Variants in SPAG6 observed in about 807,000 individuals in gnomAD.
The protein encoded by SPAG6 is sperm-associated antigen 6.
Under a neutral mutation model 58.5 loss-of-function variants are expected in SPAG6, and 49 were observed. The observed-to-expected ratio is 0.84, with a 90% CI of 0.67 to 1.06. The LOEUF is 1.06. Among genes scored for constraint, SPAG6 ranks in the 50% least tolerant of loss-of-function variants. The pLI, the probability that SPAG6 is intolerant of heterozygous loss-of-function variation, is 0.00. For missense variants in SPAG6, 560 were observed against 611.3 expected (o/e 0.92, Z 0.89); for synonymous variants, 233 against 225.6 (o/e 1.03, Z -0.29).
chr10:22,368,390 G>C, intron 3 of SPAG6, 105 bp from the exon 4 acceptor site: 2 of 818,048 alleles, frequency 2.4e-6, no homozygotes, highest in Non-Finnish European at 3.7e-6. Flanking sequence ...AAGCTGTTGA[G>C]CTTTATTTAT....
chr10:22,387,305 T>G (rs1281244292), intron 5 of SPAG6, among the ~76,000 whole-genome samples: 2 of 152,198 alleles, frequency 1.3e-5, no homozygotes, highest in African/African-American at 4.8e-5. Context: ...GCAATATTTA[T>G]CTTAGCCTTT....
At chr10:22,408,731 C>G (rs1393870270) in intron 9 of SPAG6, among the ~76,000 whole-genome samples, 4 of 152,238 alleles carry the variant, frequency 2.6e-5, no homozygotes, top group Non-Finnish European at 5.9e-5. Flanking sequence ...GCCCCTCCCC[C>G]AGCCTCGCTG....
intron 4 of SPAG6, among the ~76,000 whole-genome samples, chr10:22,381,130 C>T (rs1196769446): frequency 6.6e-6 from 1 of 151,970 alleles, no homozygotes; most frequent in African/African-American, 2.4e-5. Flanking sequence ...AGTGGTTCTT[C>T]CTCTGTGACC....
chr10:22,412,352 A>G (rs1834761546), intron 10 of SPAG6: 10 of 636,452 alleles, frequency 1.6e-5, no homozygotes, highest in South Asian at 7.7e-5. Context: ...TTTAATATCA[A>G]TGGTGTTTAA....
At chr10:22,346,102 G>A in intron 2 of SPAG6, 3 of 1,480,504 alleles carry the variant, frequency 2.0e-6, no homozygotes, top group African/African-American at 1.4e-5. Flanking sequence ...CATTTTACGT[G>A]AATGGGACTC....
chr10:22,378,645 CA>C (rs1833879662), intron 4 of SPAG6, among the ~76,000 whole-genome samples: 3 of 152,146 alleles, frequency 2.0e-5, no homozygotes, highest in Admixed American at 1.3e-4. Context: ...AGCTTGGTCT[CA>C]GCTGTTAAAG....
chr10:22,374,111 A>AT lies in SPAG6; in HGVS notation c.472+5441dup, dbSNP rs200679300. On this transcript the variant is annotated intron_variant, in intron 4 of 10. Coordinates refer to ENST00000376624, the MANE Select transcript of SPAG6 (RefSeq NM_012443.4). ...AACTCTTGGCTAATAAAATCTTCTA[A>AT]TTTTTTTTAACTTAGAATCTAGAGC... Among the ~76,000 whole-genome samples, 327 of 151,996 alleles carry AT rather than the reference A, an allele frequency of 2.2e-3. 1 individual carries two copies. Among genetic ancestry groups the AT allele is most frequent in the African/African-American group, 7.4e-3 (306 of 41,474 alleles).
chr10:22,385,224 G>T (rs1834039913), intron 4 of SPAG6, among the ~76,000 whole-genome samples: 1 of 151,966 alleles, frequency 6.6e-6, no homozygotes, highest in African/African-American at 2.4e-5. Context: ...TGGGGGTGTG[G>T]TGGGGGAAGA....
chr10:22,385,665 A>T (rs1369937242), intron 4 of SPAG6, among the ~76,000 whole-genome samples: 1 of 152,214 alleles, frequency 6.6e-6, no homozygotes, highest in Non-Finnish European at 1.5e-5. Flanking sequence ...AATATTGGAC[A>T]CTAACCTGTA....
chr10:22,352,295 A>T (rs2132030952), intron 2 of SPAG6, among the ~76,000 whole-genome samples: 1 of 152,232 alleles, frequency 6.6e-6, no homozygotes, highest in East Asian at 1.9e-4. Flanking sequence ...AGTTAGAATC[A>T]CTATTAAAGT....
chr10:22,396,621 G>T (rs942180842), intron 8 of SPAG6, among the ~76,000 whole-genome samples: 7 of 151,942 alleles, frequency 4.6e-5, no homozygotes, highest in African/African-American at 1.7e-4. Context: ...AATTTTTAGT[G>T]AAAAACAATT....
intron 2 of SPAG6, among the ~76,000 whole-genome samples, chr10:22,351,248 A>G (rs572109478): frequency 2.0e-4 from 31 of 152,246 alleles, no homozygotes; most frequent in African/African-American, 7.2e-4. Context: ...AGGGAGTGGG[A>G]GTAGTATTTA....
At chr10:22,387,057 C>A in intron 5 of SPAG6, 98 bp downstream of exon 5, 1 of 876,328 alleles carries the variant, frequency 1.1e-6, no homozygotes, top group African/African-American at 1.7e-5. Context: ...AAATAATTAG[C>A]AAATTATCAT....
chr10:22,409,689 C>T (rs114652622), intron 9 of SPAG6, among the ~76,000 whole-genome samples: 2,316 of 152,254 alleles, frequency 0.015, 44 homozygotes, highest in African/African-American at 0.052. Context: ...AAGAGCGTTT[C>T]GGTCAGAGGG....
intron 4 of SPAG6, among the ~76,000 whole-genome samples, chr10:22,377,955 CTG>C (rs1159605248): frequency 6.7e-6 from 1 of 150,326 alleles, no homozygotes; most frequent in African/African-American, 2.5e-5. Context: ...GTTTTTAAAA[CTG>C]TTTCTATTAT....
At chr10:22,405,215 A>G (rs1042836551) in intron 9 of SPAG6, among the ~76,000 whole-genome samples, 28 of 151,348 alleles carry the variant, frequency 1.9e-4, no homozygotes, top group African/African-American at 5.3e-4. Flanking sequence ...GTCTTGTGCC[A>G]GTTTTCAAAG....
chr10:22,346,472 C>CT (rs1554776471), intron 2 of SPAG6, among the ~76,000 whole-genome samples: 1 of 140,568 alleles, frequency 7.1e-6, no homozygotes, highest in Admixed American at 6.8e-5. Flanking sequence ...TCTTCTTCTT[C>CT]TTCTTCTTCT....
chr10:22,382,299 A>G (rs889265431), intron 4 of SPAG6, among the ~76,000 whole-genome samples: 1 of 152,210 alleles, frequency 6.6e-6, no homozygotes, highest in Non-Finnish European at 1.5e-5. Flanking sequence ...ACTAAAAAAC[A>G]ACTGATCATC....
chr10:22,366,681 G>C (rs1355833061), intron 3 of SPAG6, among the ~76,000 whole-genome samples: 1 of 152,140 alleles, frequency 6.6e-6, no homozygotes, highest in Non-Finnish European at 1.5e-5. Flanking sequence ...AGGAGTCACA[G>C]AAATTTTATT....
Sources: allele counts gnomAD v4.1 joint callset (sites outside exome capture counted in the v4.1 genomes callset), GRCh38; gene constraint gnomAD v4.1.1; transcripts MANE v1.5; gene names NCBI Gene and HGNC (gene_info 2026-07-23, HGNC 2026-07-21).